Variants in RASGEF1A observed in about 807,000 individuals in gnomAD.
The protein encoded by RASGEF1A is ras-GEF domain-containing family member 1A.
In RASGEF1A, 18 loss-of-function variants were observed where a neutral mutation model predicts 56.4. The ratio of observed to expected loss-of-function variants is 0.32; its 90% CI spans 0.22 to 0.47. The LOEUF (loss-of-function observed/expected upper bound fraction) is 0.47, where lower values mean the gene tolerates loss of function less well. RASGEF1A is among the 20% of genes least tolerant of loss of function. The pLI is 1.00. For missense variants in RASGEF1A, 422 were observed against 627.1 expected (o/e 0.67, Z 3.49); for synonymous variants, 245 against 242.6 (o/e 1.01, Z -0.09).
intron 1 of RASGEF1A, among the ~76,000 whole-genome samples, chr10:43,231,963 A>C (rs1333823385): frequency 7.2e-5 from 11 of 152,242 alleles, no homozygotes; most frequent in Non-Finnish European, 1.0e-4. Context: ...CACTTTCTCC[A>C]GACACCTCCT....
intron 3 of RASGEF1A, 50 bp downstream of exon 3, chr10:43,203,248 C>CGCCTCCT: frequency 1.3e-6 from 2 of 1,519,204 alleles, no homozygotes; most frequent in Non-Finnish European, 1.8e-6. Context: ...GCCTTGACCT[C>CGCCTCCT]GCCTCCTGCC....
At chr10:43,234,416 G>A (rs917247670) in intron 1 of RASGEF1A, among the ~76,000 whole-genome samples, 2 of 152,130 alleles carry the variant, frequency 1.3e-5, no homozygotes, top group African/African-American at 4.8e-5. Flanking sequence ...CAGCCTACAG[G>A]GTCAAGCAAT....
intron 1 of RASGEF1A, chr10:43,209,125 T>C: frequency 1.0e-6 from 1 of 985,488 alleles, no homozygotes; most frequent in Non-Finnish European, 1.2e-6. Context: ...AGGCAGCCCC[T>C]TCCCAAGGAA....
intron 1 of RASGEF1A, among the ~76,000 whole-genome samples, chr10:43,256,121 C>CT (rs1032488110): frequency 6.6e-6 from 1 of 152,176 alleles, no homozygotes; most frequent in African/African-American, 2.4e-5. Context: ...CCAGAGTGAA[C>CT]TGACTTTAGG....
intron 1 of RASGEF1A, among the ~76,000 whole-genome samples, chr10:43,242,049 A>G (rs1020367798): frequency 1.3e-5 from 2 of 152,206 alleles, no homozygotes; most frequent in African/African-American, 2.4e-5. Flanking sequence ...GAGGCAGGAG[A>G]ATGGCGTGAA....
chr10:43,213,404 G>C (rs1361456273), intron 1 of RASGEF1A, among the ~76,000 whole-genome samples: 1 of 152,064 alleles, frequency 6.6e-6, no homozygotes, highest in Non-Finnish European at 1.5e-5. Context: ...AAAGCATAGA[G>C]AGCAAGAATG....
chr10:43,258,711 C>A (rs970835875), intron 1 of RASGEF1A, among the ~76,000 whole-genome samples: 2 of 152,248 alleles, frequency 1.3e-5, no homozygotes, highest in South Asian at 4.1e-4. Flanking sequence ...AGGACTGCCT[C>A]TGTCTCCTCT....
In RASGEF1A at chr10:43,207,239, C is replaced by T. The variant is rs1462100043; in HGVS notation, c.-6-1117G>A. The T allele has an allele frequency of 1.7e-5, 17 of 985,566 alleles. No homozygotes were observed. The South Asian group carries it at 5.2e-4, about 30-fold the overall frequency. 61.1% of individuals were successfully genotyped at this position (985,566 alleles called of 1,614,324 possible). On this transcript the variant is annotated intron_variant, in intron 1 of 12. Coordinates refer to ENST00000395810, the MANE Select transcript of RASGEF1A (RefSeq NM_145313.4). ...CAGCGGCTGAGGTCAGGTGGAGAAGCGAGACCCTCCTGCCATTTTGGCCTT... is the reference window on the plus strand; with the variant it reads ...CAGCGGCTGAGGTCAGGTGGAGAAGTGAGACCCTCCTGCCATTTTGGCCTT...
At chr10:43,201,277 T>C (rs1017882838) in intron 4 of RASGEF1A, among the ~76,000 whole-genome samples, 11 of 152,134 alleles carry the variant, frequency 7.2e-5, no homozygotes, top group South Asian at 6.2e-4. Flanking sequence ...TGCCCCCTAG[T>C]TGGGAGCAGC....
chr10:43,208,551 C>T (rs1202888143), intron 1 of RASGEF1A: 8 of 985,698 alleles, frequency 8.1e-6, no homozygotes, highest in African/African-American at 1.7e-5. Context: ...AGGTTCTGCA[C>T]ATGCTCAGAA....
intron 1 of RASGEF1A, among the ~76,000 whole-genome samples, chr10:43,238,207 A>G (rs1386643229): frequency 6.6e-6 from 1 of 151,918 alleles, no homozygotes; most frequent in Non-Finnish European, 1.5e-5. Context: ...AGGGGTCTTC[A>G]GGGGAGTTAG....
intron 1 of RASGEF1A, among the ~76,000 whole-genome samples, chr10:43,225,884 G>A (rs1161814834): frequency 2.6e-5 from 4 of 152,316 alleles, no homozygotes; most frequent in South Asian, 2.1e-4. Context: ...ACGGGGAGGG[G>A]GAGAGAGAGG....
chr10:43,203,785 G>A lies in RASGEF1A; in HGVS notation c.199-365C>T, dbSNP rs147568120. 524 of 1,037,630 alleles carry A rather than the reference G, an allele frequency of 5.0e-4. 2 individuals are homozygous for A. The African/African-American group carries it at 8.4e-3, about 17-fold the overall frequency. The allele number at this position is 1,037,630 out of a possible 1,614,324, so 64.3% of individuals were successfully genotyped here. A position where few individuals can be genotyped will look rare whatever the true frequency, so the allele number is the denominator to read the frequency against. On this transcript the variant is annotated intron_variant, in intron 2 of 12. Transcript: ENST00000395810. ...TGCGCCAGGATGCAAGCCAGCTGCT[G>A]TTTCAGATCCTCGTGGGCCGAGCTG...
chr10:43,249,787 C>T (rs975178339), intron 1 of RASGEF1A, among the ~76,000 whole-genome samples: 1 of 152,194 alleles, frequency 6.6e-6, no homozygotes, highest in African/African-American at 2.4e-5. Flanking sequence ...GAGTGTCCCC[C>T]AATCCTCAGA....
chr10:43,201,779 ACCCTGGCCAGAG>A lies in RASGEF1A; in HGVS notation c.459+17_459+28del, dbSNP rs1839902617. The A allele has an allele frequency of 6.5e-7, 1 of 1,543,818 alleles. No individual in the cohort carries two copies. The highest frequency in any genetic ancestry group is 2.3e-5 in the East Asian group (1 of 43,918). On this transcript the variant is annotated intron_variant, in intron 4 of 12. Coordinates refer to ENST00000395810, the MANE Select transcript of RASGEF1A (RefSeq NM_145313.4). Reference sequence around the variant, plus strand: ...GGCAGACCCTGGCACACACCCAAAGACCCTGGCCAGAGCCCAGGGAGCACTCACCTCATCACA... The same window carrying A: ...GGCAGACCCTGGCACACACCCAAAGACCCAGGGAGCACTCACCTCATCACA...
At chr10:43,250,867 A>G (rs1840620884) in intron 1 of RASGEF1A, among the ~76,000 whole-genome samples, 1 of 152,176 alleles carries the variant, frequency 6.6e-6, no homozygotes, top group African/African-American at 2.4e-5. Context: ...CCTGGGGAAC[A>G]AGGCTCAATG....
At chr10:43,232,657 T>G (rs1249670216) in intron 1 of RASGEF1A, among the ~76,000 whole-genome samples, 1 of 152,068 alleles carries the variant, frequency 6.6e-6, no homozygotes, top group Non-Finnish European at 1.5e-5. Flanking sequence ...CAGCTAATTT[T>G]TGTATTTTTA....
chr10:43,249,300 C>T (rs922567439), intron 1 of RASGEF1A, among the ~76,000 whole-genome samples: 7 of 152,206 alleles, frequency 4.6e-5, no homozygotes, highest in Non-Finnish European at 8.8e-5. Context: ...CACGTCTGAC[C>T]ATCTGTATGT....
intron 1 of RASGEF1A, chr10:43,207,431 C>G: frequency 2.1e-6 from 2 of 958,954 alleles, no homozygotes; most frequent in Non-Finnish European, 2.5e-6. Context: ...CACACACACA[C>G]ACACACACAC....
Sources: gnomAD v4.1 joint callset for allele counts (sites outside exome capture counted in the v4.1 genomes callset) on GRCh38, gnomAD v4.1.1 for gene constraint, MANE v1.5 for transcripts, NCBI Gene and HGNC (gene_info 2026-07-23, HGNC 2026-07-21) for gene names.